The following TMEM131 variants were observed in gnomAD, a reference collection of about 807,000 sequenced individuals.
The protein encoded by TMEM131 is transmembrane protein 131.
A neutral mutation model predicts 211.6 loss-of-function variants in TMEM131; 66 were observed. The observed-to-expected ratio is 0.31, with a 90% CI of 0.26 to 0.38. The LOEUF is 0.38. TMEM131 is among the 10% of genes least tolerant of loss of function. The pLI, the probability that TMEM131 is intolerant of heterozygous loss-of-function variation, is 1.00. For synonymous variants in TMEM131, 844 were observed against 841.3 expected (o/e 1.00, Z -0.06); for missense variants, 2,036 against 2,299.3 (o/e 0.89, Z 2.34).
intron 2 of TMEM131, among the ~76,000 whole-genome samples, chr2:97,923,145 T>C (rs1676816227): frequency 6.6e-6 from 1 of 152,022 alleles, no homozygotes; most frequent in African/African-American, 2.4e-5. Context: ...AAAAGTTAGC[T>C]GGGTGTTGTG....
chr2:97,849,137 C>CA (rs1454229856), intron 5 of TMEM131, among the ~76,000 whole-genome samples: 2 of 152,184 alleles, frequency 1.3e-5, no homozygotes, highest in Non-Finnish European at 2.9e-5. Context: ...ACTCGCATCA[C>CA]AAAAAACCCA....
rs373154488 is a variant in TMEM131, at chr2:97,792,665, C to T, written c.3865G>A (p.Gly1289Ser). The change falls in exon 31 of 41, where the codon GGC becomes AGC. Residue 1289 changes from glycine (G) to serine (S), a missense_variant. Around this residue, in one of 3 missense-constraint regions of TMEM131, gnomAD observed 1,623 missense variants for 1,805.9 expected, o/e 0.90. Transcript: ENST00000186436. Reference sequence around the variant, plus strand: ...GGGCTGTGGGCATGGTGCTGGCTGCCGTGCTGGCTCTGCTTTGCCCCTTTG... The same window carrying T: ...GGGCTGTGGGCATGGTGCTGGCTGCTGTGCTGGCTCTGCTTTGCCCCTTTG... ...KSKGAKQSQH[G>S]SQHHAHSPLE... is the part of the protein sequence containing the mutation. The T allele has an allele frequency of 5.0e-6, 8 of 1,613,792 alleles. No homozygotes were observed. Among genetic ancestry groups the T allele is most frequent in the African/African-American group, 1.3e-5 (1 of 74,908 alleles).
At chr2:97,790,390 C>T (rs919797709) in intron 31 of TMEM131, among the ~76,000 whole-genome samples, 16 of 152,152 alleles carry the variant, frequency 1.1e-4, no homozygotes, top group African/African-American at 3.9e-4. Context: ...GTAGAGTAGC[C>T]GCGCCTGCAA....
chr2:97,951,885 G>A (rs149185291), intron 1 of TMEM131, among the ~76,000 whole-genome samples: 62 of 152,202 alleles, frequency 4.1e-4, no homozygotes, highest in Non-Finnish European at 1.3e-4. Flanking sequence ...TCGGCCAGGC[G>A]CAGTGGCTCA....
intron 2 of TMEM131, among the ~76,000 whole-genome samples, chr2:97,918,934 T>C (rs988326123): frequency 6.6e-6 from 1 of 152,190 alleles, no homozygotes; most frequent in Admixed American, 6.5e-5. Context: ...TTCAAATGTG[T>C]TGGTTGTCTA....
chr2:97,947,404 G>C (rs1678094609), intron 1 of TMEM131, among the ~76,000 whole-genome samples: 1 of 151,924 alleles, frequency 6.6e-6, no homozygotes, highest in Non-Finnish European at 1.5e-5. Context: ...AGTAAGATTA[G>C]GAAAGTAGGA....
At chr2:97,990,497 T>A (rs1680215709) in intron 1 of TMEM131, among the ~76,000 whole-genome samples, 1 of 152,180 alleles carries the variant, frequency 6.6e-6, no homozygotes. Flanking sequence ...GCTCCACTAT[T>A]TACCAGCCCT....
intron 11 of TMEM131, among the ~76,000 whole-genome samples, chr2:97,827,801 C>G (rs761202512): frequency 2.6e-5 from 4 of 151,856 alleles, no homozygotes; most frequent in Non-Finnish European, 5.9e-5. Flanking sequence ...ATGGGAGGCT[C>G]TGATTGTCTC....
chr2:97,926,728 A>G (rs780324592), intron 2 of TMEM131, among the ~76,000 whole-genome samples: 2 of 152,180 alleles, frequency 1.3e-5, no homozygotes, highest in Non-Finnish European at 2.9e-5. Flanking sequence ...TCCATAGCCA[A>G]CTCCATCTAG....
chr2:97,970,339 G>C (rs918235890), intron 1 of TMEM131, among the ~76,000 whole-genome samples: 1 of 152,146 alleles, frequency 6.6e-6, no homozygotes, highest in African/African-American at 2.4e-5. Context: ...CTGGAGGCAA[G>C]GTGCGGGAGG....
rs150740524 is a variant in TMEM131, at chr2:97,945,354, A to G, written c.188-17867T>C. On this transcript the variant is annotated intron_variant, in intron 1 of 40. Coordinates refer to ENST00000186436, the MANE Select transcript of TMEM131 (RefSeq NM_015348.2). ...AAGGATTTCTTTTGGGGTGATGGAAATATTTTGGAATGAGACAGTTGTGAT... is the reference window on the plus strand; with the variant it reads ...AAGGATTTCTTTTGGGGTGATGGAAGTATTTTGGAATGAGACAGTTGTGAT... 5.1e-4 allele frequency among the ~76,000 whole-genome samples: 78 copies of G among 152,300 alleles called. No individual in the cohort carries two copies. In the East Asian group the frequency reaches 0.011, roughly 22 times the overall value.
At chr2:97,960,737 A>G (rs1011039965) in intron 1 of TMEM131, among the ~76,000 whole-genome samples, 1 of 152,200 alleles carries the variant, frequency 6.6e-6, no homozygotes, top group Non-Finnish European at 1.5e-5. Flanking sequence ...TACAAAAACT[A>G]AAACCAACAG....
At chr2:97,790,007 C>A (rs570295461) in intron 31 of TMEM131, among the ~76,000 whole-genome samples, 13 of 152,226 alleles carry the variant, frequency 8.5e-5, no homozygotes, top group African/African-American at 3.1e-4. Flanking sequence ...TCATCCTGAG[C>A]AGCTTCCAAA....
At chr2:97,864,227 G>A (rs1051708803) in intron 4 of TMEM131, among the ~76,000 whole-genome samples, 5 of 152,090 alleles carry the variant, frequency 3.3e-5, no homozygotes, top group African/African-American at 9.7e-5. Context: ...CCAGAGGCTG[G>A]GAAGGATAGC....
chr2:97,886,066 T>C (rs1675143858), intron 4 of TMEM131, among the ~76,000 whole-genome samples: 1 of 152,140 alleles, frequency 6.6e-6, no homozygotes. Context: ...CTCTTGACTG[T>C]ATTTTTTATT....
chr2:97,969,125 T>C (rs1375185919), intron 1 of TMEM131, among the ~76,000 whole-genome samples: 1 of 152,060 alleles, frequency 6.6e-6, no homozygotes, highest in African/African-American at 2.4e-5. Context: ...AACATTTATG[T>C]TAGTTAATTC....
intron 1 of TMEM131, 130 bp downstream of exon 1, chr2:97,995,346 G>T: frequency 1.1e-6 from 1 of 944,746 alleles, no homozygotes; most frequent in Non-Finnish European, 1.4e-6. Flanking sequence ...TCCCGGCTCG[G>T]GACGGTACCC....
intron 1 of TMEM131, among the ~76,000 whole-genome samples, chr2:97,944,099 TA>T (rs1334122722): frequency 2.0e-5 from 3 of 151,808 alleles, no homozygotes; most frequent in Non-Finnish European, 4.4e-5. Context: ...AATAAATAAA[TA>T]AATAAAAGAT....
intron 22 of TMEM131, among the ~76,000 whole-genome samples, chr2:97,803,811 T>C (rs1047802097): frequency 2.6e-5 from 4 of 152,168 alleles, no homozygotes; most frequent in African/African-American, 4.8e-5. Flanking sequence ...CAGCTGAGCA[T>C]AGGACAACAC....
Sources: gnomAD v4.1 joint callset for allele counts (sites outside exome capture counted in the v4.1 genomes callset) on GRCh38, gnomAD v4.1.1 for gene constraint, gnomAD v4.1.1 regional missense constraint, MANE v1.5 for transcripts, NCBI Gene and HGNC (gene_info 2026-07-23, HGNC 2026-07-21) for gene names.